The following UGT1A8 variants were observed in gnomAD, a reference collection of about 807,000 sequenced individuals.
The protein encoded by UGT1A8 is UDP glucuronosyltransferase family 1 member A8, also known as UDP-glucuronosyltransferase 1A8.
Under a neutral mutation model 45.3 loss-of-function variants are expected in UGT1A8, and 39 were observed. That is an observed-to-expected ratio of 0.86 (90% CI 0.67 to 1.12). UGT1A8 has a LOEUF of 1.12. Ranked by LOEUF, UGT1A8 falls within the 50% of genes most tolerant of loss-of-function variation. The probability of loss-of-function intolerance (pLI) is 0.00; values close to 1 mark genes in which losing one functional copy is unlikely to be tolerated. For missense variants in UGT1A8, 719 were observed against 664.9 expected (o/e 1.08, Z -0.90); for synonymous variants, 275 against 249.2 (o/e 1.10, Z -0.97).
chr2:233,624,523 G>T (rs1464541078), intron 1 of UGT1A8, among the ~76,000 whole-genome samples: 5 of 152,014 alleles, frequency 3.3e-5, no homozygotes, highest in Non-Finnish European at 7.4e-5. Flanking sequence ...AAACTTGGCT[G>T]TTCATACATC....
intron 1 of UGT1A8, among the ~76,000 whole-genome samples, chr2:233,627,647 T>TCCTTCCTA: frequency 6.8e-6 from 1 of 147,570 alleles, no homozygotes; most frequent in Non-Finnish European, 1.5e-5. Context: ...CTTCCTTCCT[T>TCCTTCCTA]CCTTCCTTCC....
intron 1 of UGT1A8, chr2:233,692,249 A>G (rs992751778): frequency 6.6e-6 from 1 of 152,426 alleles, no homozygotes; most frequent in Admixed American, 6.5e-5. Flanking sequence ...CCATACCCCC[A>G]TATCTTGTTC....
At chr2:233,666,540 A>G (rs1257782016) in intron 1 of UGT1A8, among the ~76,000 whole-genome samples, 1 of 152,136 alleles carries the variant, frequency 6.6e-6, no homozygotes, top group Non-Finnish European at 1.5e-5. Context: ...ACATTTTTTA[A>G]AATTGAATTT....
chr2:233,745,271 G>A (rs1376057021), intron 1 of UGT1A8, among the ~76,000 whole-genome samples: 1 of 151,866 alleles, frequency 6.6e-6, no homozygotes, highest in Non-Finnish European at 1.5e-5. Flanking sequence ...TGCAGGCCGT[G>A]TGTATAGCAC....
intron 1 of UGT1A8, among the ~76,000 whole-genome samples, chr2:233,629,424 T>C (rs190610893): frequency 6.6e-6 from 1 of 152,296 alleles, no homozygotes; most frequent in East Asian, 1.9e-4. Context: ...TTGATTAATT[T>C]TCTAATGTCA....
intron 1 of UGT1A8, among the ~76,000 whole-genome samples, chr2:233,709,212 T>C (rs1269749554): frequency 6.6e-6 from 1 of 152,132 alleles, no homozygotes; most frequent in Admixed American, 6.5e-5. Context: ...AGAAGTACAT[T>C]TGAGAGTTTG....
chr2:233,760,971 C>T (rs773436128), intron 1 of UGT1A8: 1 of 1,614,154 alleles, frequency 6.2e-7, no homozygotes, highest in South Asian at 1.1e-5. Context: ...TGGTTTATTC[C>T]CCGTATGCAA....
chr2:233,644,038 TC>T (rs2073533710), intron 1 of UGT1A8, among the ~76,000 whole-genome samples: 1 of 152,142 alleles, frequency 6.6e-6, no homozygotes, highest in African/African-American at 2.4e-5. Flanking sequence ...ATGTCGGTAC[TC>T]CCTTGGCTGC....
intron 1 of UGT1A8, among the ~76,000 whole-genome samples, chr2:233,621,047 A>G (rs1019630630): frequency 6.6e-6 from 1 of 152,162 alleles, no homozygotes; most frequent in Non-Finnish European, 1.5e-5. Context: ...ATCTCCTGTA[A>G]CAAAATCTCC....
At position 233,713,960 on chromosome 2, in the gene UGT1A8, A is replaced by T; in HGVS notation, c.856-53074A>T. 4.4e-6 allele frequency: 7 copies of T among 1,607,060 alleles called. No homozygotes were observed. The East Asian group carries it at 1.3e-4, about 31-fold the overall frequency. The stretch of plus-strand genomic sequence containing the variant: ...TCCATATCTACTTATCTTTCCAAAG[A>T]TTTCATTTCTGCTTCTCATTGTTGT... On this transcript the variant is annotated intron_variant, in intron 1 of 4. Coordinates refer to ENST00000373450, the MANE Select transcript of UGT1A8 (RefSeq NM_019076.5).
chr2:233,712,695 C>T (rs2076249622), intron 1 of UGT1A8, among the ~76,000 whole-genome samples: 1 of 152,134 alleles, frequency 6.6e-6, no homozygotes, highest in Non-Finnish European at 1.5e-5. Flanking sequence ...TGGGGGTTCA[C>T]AGCCTTGTGT....
chr2:233,627,274 G>A (rs111612003), intron 1 of UGT1A8, among the ~76,000 whole-genome samples: 46 of 151,998 alleles, frequency 3.0e-4, no homozygotes, highest in African/African-American at 1.1e-3. Context: ...ATGGCATCTG[G>A]GAACTCATTT....
intron 4 of UGT1A8, chr2:233,770,766 A>G (rs1416026522): frequency 6.6e-6 from 1 of 152,230 alleles, no homozygotes; most frequent in Non-Finnish European, 1.5e-5. Context: ...TTACATTATA[A>G]TAATGTTTCC....
chr2:233,769,857 CAAAA>C lies in UGT1A8; in HGVS notation c.1295+1432_1295+1435del, dbSNP rs879204025. On this transcript the variant is annotated intron_variant, in intron 4 of 4. Coordinates refer to ENST00000373450, the MANE Select transcript of UGT1A8 (RefSeq NM_019076.5). This position sits in a 1 kb window ranked among gnomAD's most constrained non-coding sequence, Gnocchi z 4.4. ...TGGGCAACAGAGTGAGACCCTGTCTCAAAAAAAAAAAAAAAAATGAAAAGTCCAC... is the reference window on the plus strand; with the variant it reads ...TGGGCAACAGAGTGAGACCCTGTCTCAAAAAAAAAAAAATGAAAAGTCCAC... The C allele has an allele frequency of 2.0e-3, 458 of 223,780 alleles. No individual in the cohort carries two copies. Among genetic ancestry groups the C allele is most frequent in the Middle Eastern group, 6.2e-3 (5 of 804 alleles). The allele number at this position is 223,780 out of a possible 1,614,324, so 13.9% of individuals were successfully genotyped here. A position where few individuals can be genotyped will look rare whatever the true frequency, so the allele number is the denominator to read the frequency against.
chr2:233,659,741 A>G (rs2125486655), intron 1 of UGT1A8, among the ~76,000 whole-genome samples: 1 of 152,352 alleles, frequency 6.6e-6, no homozygotes, highest in Admixed American at 6.5e-5. Flanking sequence ...TTGATATAGT[A>G]TGAATTCTTC....
chr2:233,649,094 G>T, intron 1 of UGT1A8: 1 of 843,558 alleles, frequency 1.2e-6, no homozygotes, highest in South Asian at 2.9e-5. Context: ...ATTCCTTACG[G>T]AACTGGGATT....
At chr2:233,696,172 A>G (rs755372568) in intron 1 of UGT1A8, among the ~76,000 whole-genome samples, 1 of 152,238 alleles carries the variant, frequency 6.6e-6, no homozygotes, top group Non-Finnish European at 1.5e-5. Flanking sequence ...AAAAAAATAT[A>G]TATTGAAGAG....
chr2:233,769,088 T>C lies in UGT1A8; in HGVS notation c.1295+649T>C, dbSNP rs1699789125. 2.0e-5 allele frequency among the ~76,000 whole-genome samples: 3 copies of C among 152,168 alleles called. No homozygotes were observed. Among genetic ancestry groups the C allele is most frequent in the African/African-American group, 7.2e-5 (3 of 41,420 alleles). The stretch of plus-strand genomic sequence containing the variant: ...AAGAAATACTCCATTATAAGAAGCA[T>C]AGTATCTTTAAGAGAAAAACAACTC... On this transcript the variant is annotated intron_variant, in intron 4 of 4. Coordinates refer to ENST00000373450, the MANE Select transcript of UGT1A8 (RefSeq NM_019076.5). This position sits in a 1 kb window ranked among gnomAD's most constrained non-coding sequence, Gnocchi z 4.4.
chr2:233,760,700 C>T, intron 1 of UGT1A8: 4 of 1,614,194 alleles, frequency 2.5e-6, no homozygotes, highest in Non-Finnish European at 3.4e-6. Context: ...GAGCTCATGG[C>T]CTCCCTGGCA....
Sources: allele counts gnomAD v4.1 joint callset (sites outside exome capture counted in the v4.1 genomes callset), GRCh38; gene constraint gnomAD v4.1.1; non-coding constraint Gnocchi (gnomAD v3.1); transcripts MANE v1.5; gene names NCBI Gene and HGNC (gene_info 2026-07-23, HGNC 2026-07-21).